The following CEP112 variants were observed in gnomAD, a reference collection of about 807,000 sequenced individuals.
CEP112 encodes the protein centrosomal protein of 112 kDa.
CEP112 carries 127 observed loss-of-function variants against 153.0 expected under a neutral mutation model. The observed-to-expected ratio is 0.83, with a 90% confidence interval of 0.72 to 0.96. The LOEUF is 0.96. Among genes scored for constraint, CEP112 ranks in the 40% least tolerant of loss-of-function variants. The pLI, the probability that CEP112 is intolerant of heterozygous loss-of-function variation, is 0.00. For missense variants in CEP112, 1,089 were observed against 1,101.2 expected, an observed-to-expected ratio of 0.99 and a Z score of 0.16; for synonymous variants, 358 against 374.4, an observed-to-expected ratio of 0.96 and a Z score of 0.51.
intron 6 of CEP112, among the ~76,000 whole-genome samples, chr17:66,103,951 G>A (rs1157040793): frequency 2.0e-5 from 3 of 152,130 alleles, no homozygotes; most frequent in Non-Finnish European, 4.4e-5. Context: ...CTAGCCAGAG[G>A]CAAATCATTC....
intron 9 of CEP112, 144 bp from the exon 10 acceptor site, chr17:66,067,021 AC>A: frequency 1.1e-3 from 2 of 1,768 alleles, no homozygotes; most frequent in Non-Finnish European, 1.1e-3. Flanking sequence ...TTATAAACAC[AC>A]ACACACACAC....
At chr17:65,828,348 A>G (rs2056929583) in intron 21 of CEP112, among the ~76,000 whole-genome samples, 1 of 152,216 alleles carries the variant, frequency 6.6e-6, no homozygotes. Context: ...CACAACTTCC[A>G]TGGCAATTCC....
chr17:65,761,598 G>A (rs761561228), intron 21 of CEP112, among the ~76,000 whole-genome samples: 6 of 151,792 alleles, frequency 4.0e-5, no homozygotes, highest in Admixed American at 2.0e-4. Context: ...GGTAAGTTCT[G>A]GTTTCATTTA....
chr17:65,689,642 T>C (rs1783645779), intron 23 of CEP112, among the ~76,000 whole-genome samples: 1 of 152,184 alleles, frequency 6.6e-6, no homozygotes, highest in African/African-American at 2.4e-5. Flanking sequence ...TTTTCAAAAT[T>C]ATATTATGAT....
At chr17:66,057,329 G>C (rs1202853091) in intron 11 of CEP112, among the ~76,000 whole-genome samples, 1 of 152,156 alleles carries the variant, frequency 6.6e-6, no homozygotes, top group Admixed American at 6.5e-5. Flanking sequence ...AAAAAGAAGA[G>C]TCTTTAAGTA....
At chr17:65,903,016 T>A (rs529672560) in intron 19 of CEP112, 2 of 55,032 alleles carry the variant, frequency 3.6e-5, no homozygotes, top group Non-Finnish European at 6.8e-5. Context: ...CTAGACTGAA[T>A]GGCAGCCCGA....
At position 65,694,843 on chromosome 17, in the gene CEP112, C is replaced by A. The variant is rs576103432; in HGVS notation, c.2608-5625G>T. On this transcript the variant is annotated intron_variant, in intron 23 of 26. Transcript: ENST00000535342. ...CTTCAAATTTGACATTTCACACACACACAAAATCACAACTTTTAGTTTCTT... is the reference window on the plus strand; with the variant it reads ...CTTCAAATTTGACATTTCACACACAAACAAAATCACAACTTTTAGTTTCTT... Among the ~76,000 whole-genome samples, 60 of 152,168 alleles carry A rather than the reference C, an allele frequency of 3.9e-4. 1 individual carries two copies. Among genetic ancestry groups the A allele is most frequent in the Non-Finnish European group, 7.8e-4 (53 of 68,022 alleles).
intron 21 of CEP112, among the ~76,000 whole-genome samples, chr17:65,753,441 C>A (rs1172668174): frequency 6.6e-6 from 1 of 152,126 alleles, no homozygotes; most frequent in Non-Finnish European, 1.5e-5. Flanking sequence ...AAAACCAATT[C>A]TTTAGAGTTC....
At chr17:66,020,769 A>T (rs925615103) in intron 16 of CEP112, among the ~76,000 whole-genome samples, 6 of 152,248 alleles carry the variant, frequency 3.9e-5, no homozygotes, top group Non-Finnish European at 7.3e-5. Flanking sequence ...TATATCTTAT[A>T]GCAAAAAAGA....
chr17:66,053,243 T>C (rs2066519131), intron 12 of CEP112, among the ~76,000 whole-genome samples: 1 of 151,478 alleles, frequency 6.6e-6, no homozygotes, highest in Non-Finnish European at 1.5e-5. Context: ...GGCTCACACC[T>C]GTAATCCCAG....
intron 23 of CEP112, among the ~76,000 whole-genome samples, chr17:65,701,898 G>GTTTTTTTTTTTTT (rs869242758): frequency 8.6e-6 from 1 of 116,060 alleles, no homozygotes; most frequent in Non-Finnish European, 1.8e-5. Context: ...TTTTTTTTTT[G>GTTTTTTTTTTTTT]TTTTTTTTTT....
At chr17:65,907,239 A>T (rs1180311737) in intron 19 of CEP112, among the ~76,000 whole-genome samples, 1 of 152,200 alleles carries the variant, frequency 6.6e-6, no homozygotes, top group East Asian at 1.9e-4. Context: ...AAACAGAGAC[A>T]TTTGAAGTTT....
intron 22 of CEP112, among the ~76,000 whole-genome samples, chr17:65,746,832 T>G (rs547186718): frequency 6.6e-6 from 1 of 152,074 alleles, no homozygotes; most frequent in African/African-American, 2.4e-5. Context: ...GAATCATAAT[T>G]AAAAACCATA....
At chr17:65,760,455 AT>A (rs533266250) in intron 21 of CEP112, among the ~76,000 whole-genome samples, 1 of 151,788 alleles carries the variant, frequency 6.6e-6, no homozygotes, top group African/African-American at 2.4e-5. Flanking sequence ...GTTTGCTGAG[AT>A]TTTTTTTCAT....
intron 6 of CEP112, among the ~76,000 whole-genome samples, chr17:66,121,796 T>C (rs530344642): frequency 6.6e-6 from 1 of 152,006 alleles, no homozygotes; most frequent in African/African-American, 2.4e-5. Context: ...TATAGGTGCA[T>C]GCCACTGTGC....
chr17:66,161,743 G>A (rs2071717108), intron 4 of CEP112, among the ~76,000 whole-genome samples: 1 of 151,952 alleles, frequency 6.6e-6, no homozygotes, highest in South Asian at 2.1e-4. Flanking sequence ...ATTATGGGTT[G>A]ATGGGTGCAG....
At chr17:65,781,082 C>T (rs918834088) in intron 21 of CEP112, among the ~76,000 whole-genome samples, 1 of 152,056 alleles carries the variant, frequency 6.6e-6, no homozygotes, top group Non-Finnish European at 1.5e-5. Flanking sequence ...ATTTCCTATA[C>T]TGGATTATTT....
chr17:65,721,026 T>TC (rs921567372), intron 23 of CEP112, among the ~76,000 whole-genome samples: 1 of 150,858 alleles, frequency 6.6e-6, no homozygotes, highest in Non-Finnish European at 1.5e-5. Flanking sequence ...TTTTTTTTTT[T>TC]TTTGAGACGG....
intron 24 of CEP112, among the ~76,000 whole-genome samples, chr17:65,683,479 A>G (rs1054911462): frequency 6.6e-6 from 1 of 152,238 alleles, no homozygotes; most frequent in Admixed American, 6.5e-5. Context: ...AAGACAAGGT[A>G]GAAGCCAGGA....
Sources: allele counts gnomAD v4.1 joint callset (sites outside exome capture counted in the v4.1 genomes callset), GRCh38; gene constraint gnomAD v4.1.1; transcripts MANE v1.5; gene names NCBI Gene and HGNC (gene_info 2026-07-23, HGNC 2026-07-21).